The following PFKL variants were observed in gnomAD, a reference collection of about 807,000 sequenced individuals.
The protein encoded by PFKL is phosphofructokinase, liver type, also known as ATP-dependent 6-phosphofructokinase, liver type.
A neutral mutation model predicts 92.1 loss-of-function variants in PFKL; 74 were observed. The observed-to-expected ratio is 0.80, with a 90% CI of 0.67 to 0.97. The LOEUF (loss-of-function observed/expected upper bound fraction) is 0.97. PFKL is among the 50% of genes least tolerant of loss of function. PFKL has a pLI of 0.00. For synonymous variants in PFKL, 494 were observed against 456.4 expected (o/e 1.08, Z -1.05); for missense variants, 1,028 against 1,116.6 (o/e 0.92, Z 1.13).
intron 12 of PFKL, 65 bp downstream of exon 12, chr21:44,320,212 C>T: frequency 1.4e-6 from 2 of 1,448,912 alleles, no homozygotes; most frequent in Non-Finnish European, 9.7e-7. Context: ...CCTCTTCACG[C>T]TGGCCCCGTG....
Position 44,326,713 on chromosome 21 carries a change from A to G in PFKL, c.2196-2A>G. 6.2e-7 allele frequency: 1 copy of G among 1,611,578 alleles called. No individual in the cohort carries two copies. The highest frequency in any genetic ancestry group is 8.5e-7 in the Non-Finnish European group (1 of 1,179,392). On this transcript the variant is annotated splice_acceptor_variant, in intron 21 of 21. Transcript: ENST00000349048. LOFTEE classifies it high-confidence loss of function. ...TCATCCTCCCATCCCCGTCCTGCAC[A>G]GGCACCGCATGCCACGGGAGCAGTG...
chr21:44,306,027 C>T (rs67861360), intron 1 of PFKL: 323,894 of 1,070,720 alleles, frequency 0.3, 50,937 homozygotes, highest in East Asian at 0.57. Context: ...CATCTCATTG[C>T]GGAGGAAGGA....
At chr21:44,314,319 T>G in intron 7 of PFKL, 1 of 383,316 alleles carries the variant, frequency 2.6e-6, no homozygotes, top group East Asian at 4.9e-5. Context: ...CTTACTGGGG[T>G]GGGACTGCTG....
chr21:44,304,579 G>A lies in PFKL; in HGVS notation c.86-2102G>A. On this transcript the variant is annotated intron_variant, in intron 1 of 21. Coordinates refer to ENST00000349048, the MANE Select transcript of PFKL (RefSeq NM_002626.6). ...TGCCCCCAACTCCAGTGAGGGTGGG[G>A]GACAGGGCGCTGCACTCACAGCACC... 3 of 1,087,062 alleles carry A rather than the reference G, an allele frequency of 2.8e-6. No individual in the cohort carries two copies. In the South Asian group the frequency reaches 5.7e-5, roughly 21 times the overall value. 67.3% of individuals were successfully genotyped at this position (1,087,062 alleles called of 1,614,324 possible).
chr21:44,314,001 A>C lies in PFKL; in HGVS notation c.727A>C (p.Met243Leu), dbSNP rs1398145986. Residue 243 changes from methionine to leucine, a missense_variant, in exon 7 of 22, where the codon ATG becomes CTG. Met to Leu is a conservative substitution (Grantham distance 15, BLOSUM62 2). Coordinates refer to ENST00000349048, the MANE Select transcript of PFKL (RefSeq NM_002626.6). ...ACCCGAGGACGGCTGGGAGAACTTCATGTGTGAGAGGCTGGGTGAGGTGGG... is the reference window on the plus strand; with the variant it reads ...ACCCGAGGACGGCTGGGAGAACTTCCTGTGTGAGAGGCTGGGTGAGGTGGG... ...APPEDGWENF[M>L]CERLGETRSR... is the part of the protein sequence containing the mutation. 2 of 1,606,470 alleles carry C rather than the reference A, an allele frequency of 1.2e-6. No homozygotes were observed. Among genetic ancestry groups the C allele is most frequent in the Non-Finnish European group, 1.7e-6 (2 of 1,177,726 alleles).
intron 2 of PFKL, among the ~76,000 whole-genome samples, chr21:44,310,362 G>A (rs1443112231): frequency 6.6e-6 from 1 of 152,218 alleles, no homozygotes; most frequent in Non-Finnish European, 1.5e-5. Flanking sequence ...GCGGAGCCTG[G>A]AGCCCCTGCC....
intron 1 of PFKL, among the ~76,000 whole-genome samples, chr21:44,302,063 G>A (rs2040790591): frequency 6.6e-6 from 1 of 152,206 alleles, no homozygotes; most frequent in African/African-American, 2.4e-5. Flanking sequence ...CCGGCTGGGT[G>A]GGCCTCCCAT....
intron 11 of PFKL, 110 bp from the exon 12 acceptor site, chr21:44,319,974 C>T: frequency 1.1e-6 from 1 of 934,462 alleles, no homozygotes. Context: ...GCTGAGCTTC[C>T]ATCGGGCCGT....
At chr21:44,314,424 C>T in intron 7 of PFKL, 1 of 205,228 alleles carries the variant, frequency 4.9e-6, no homozygotes, top group Non-Finnish European at 9.9e-6. Flanking sequence ...AGGAGCTGGG[C>T]CAGTGGGGAG....
At chr21:44,316,012 C>G (rs550335991) in intron 7 of PFKL, 2 of 559,678 alleles carry the variant, frequency 3.6e-6, no homozygotes, top group African/African-American at 1.9e-5. Context: ...CCCAGGCTTT[C>G]GGGCAGAGCC....
At chr21:44,303,108 T>C (rs1411589390) in intron 1 of PFKL, among the ~76,000 whole-genome samples, 2 of 151,848 alleles carry the variant, frequency 1.3e-5, no homozygotes, top group African/African-American at 4.8e-5. Context: ...GTGGTGCGCA[T>C]CTGTAATCCC....
At chr21:44,316,400 G>C (rs940633084) in intron 8 of PFKL, 32 bp from the exon 9 acceptor site, 1 of 1,611,940 alleles carries the variant, frequency 6.2e-7, no homozygotes, top group Non-Finnish European at 8.5e-7. Flanking sequence ...GTGGGCTGGG[G>C]CTCAGGGCTG....
rs141250471 is a variant in PFKL at position 44,325,182 on chromosome 21, C to T, written c.1907C>T (p.Thr636Met). 10 of 1,612,710 alleles carry T rather than the reference C, an allele frequency of 6.2e-6. No individual in the cohort carries two copies. The highest frequency in any genetic ancestry group is 2.2e-5 in the East Asian group (1 of 44,874). ...RNEKCHDYYT[T>M]EFLYNLYSSE... ...GAGAAGTGCCATGACTACTACACCA[C>T]GGAGTTCCTGTACAACCTGTACTCA... Residue 636 changes from threonine to methionine, a missense_variant, in exon 19 of 22, where the codon ACG (threonine) becomes ATG (methionine). By Grantham distance (81) the Thr-to-Met change is moderately conservative. Transcript: ENST00000349048.
intron 2 of PFKL, among the ~76,000 whole-genome samples, chr21:44,309,959 G>C (rs2041068084): frequency 6.6e-6 from 1 of 152,238 alleles, no homozygotes; most frequent in African/African-American, 2.4e-5. Context: ...CTGCCTGCTT[G>C]AGGCACTTGC....
chr21:44,322,664 G>A (rs928418083), intron 14 of PFKL, among the ~76,000 whole-genome samples: 4 of 152,202 alleles, frequency 2.6e-5, no homozygotes, highest in African/African-American at 4.8e-5. Context: ...CGCTCCTGCC[G>A]CTGAGTGTTG....
chr21:44,325,360 G>A (rs530851083), intron 19 of PFKL, 96 bp downstream of exon 19: 38 of 805,462 alleles, frequency 4.7e-5, no homozygotes, highest in South Asian at 2.2e-4. Context: ...GGGCACCCAC[G>A]GGCACTCCCG....
Position 44,305,501 on chromosome 21 carries a change from C to T in PFKL, c.86-1180C>T, listed in dbSNP as rs750869192. On this transcript the variant is annotated intron_variant, in intron 1 of 21. Transcript: ENST00000349048. Reference sequence around the variant, plus strand: ...GCACGAGGCTTGGGGACAGAGGACCCGCATGGCTTAGGGATGGATGGCATG... The same window carrying T: ...GCACGAGGCTTGGGGACAGAGGACCTGCATGGCTTAGGGATGGATGGCATG... 1.8e-4 allele frequency: 209 copies of T among 1,193,696 alleles called. 1 individual carries two copies. The highest frequency in any genetic ancestry group is 3.1e-4 in the Middle Eastern group (1 of 3,252). The allele number at this position is 1,193,696 out of a possible 1,614,324, so 73.9% of individuals were successfully genotyped here.
At chr21:44,325,325 C>G (rs999387876) in intron 19 of PFKL, 61 bp downstream of exon 19, 2 of 1,201,530 alleles carry the variant, frequency 1.7e-6, no homozygotes, top group East Asian at 4.8e-5. Flanking sequence ...CATCTGTCCC[C>G]GGCCCCAGGG....
chr21:44,300,744 G>A (rs1366231348), intron 1 of PFKL, among the ~76,000 whole-genome samples: 1 of 67,546 alleles, frequency 1.5e-5, no homozygotes, highest in Admixed American at 1.5e-4. Context: ...GGGGCATTGA[G>A]CAAAGCCCAG....
Sources: allele counts gnomAD v4.1 joint callset (sites outside exome capture counted in the v4.1 genomes callset), GRCh38; gene constraint gnomAD v4.1.1; transcripts MANE v1.5; gene names NCBI Gene and HGNC (gene_info 2026-07-23, HGNC 2026-07-21).